Variants in KIF11 observed in about 807,000 individuals in gnomAD.
The protein encoded by KIF11 is kinesin family member 11.
Under a neutral mutation model 121.0 loss-of-function variants are expected in KIF11, and 9 were observed. The ratio of observed to expected loss-of-function variants is 0.07; its 90% confidence interval spans 0.04 to 0.13. The LOEUF (loss-of-function observed/expected upper bound fraction) is 0.13. Among genes scored for constraint, KIF11 ranks in the 10% least tolerant of loss-of-function variants. The pLI is 1.00. For synonymous variants in KIF11, 408 were observed against 421.0 expected, an observed-to-expected ratio of 0.97 and a Z score of 0.38; for missense variants, 846 against 1,217.5, an observed-to-expected ratio of 0.69 and a Z score of 4.54.
Position 92,653,652 on chromosome 10 carries a change from CT to C in KIF11, c.3040-11del. The C allele has an allele frequency of 6.2e-7, 1 of 1,606,724 alleles. No individual in the cohort carries two copies. The highest frequency in any genetic ancestry group is 8.5e-7 in the Non-Finnish European group (1 of 1,176,496). On this transcript the variant is annotated splice_polypyrimidine_tract_variant and intron_variant, in intron 21 of 21. Coordinates refer to ENST00000260731, the MANE Select transcript of KIF11 (RefSeq NM_004523.4). ...CTTTGTATTGACTTAATTTTCCCGC[CT>C]TAAATCCACAGCATAAAAAATCACA...
At chr10:92,617,602 C>T (rs1381484782) in intron 9 of KIF11, among the ~76,000 whole-genome samples, 1 of 152,096 alleles carries the variant, frequency 6.6e-6, no homozygotes. Context: ...GTAGCTGTAC[C>T]ACTTTGTATT....
At chr10:92,622,057 C>T (rs1028137341) in intron 10 of KIF11, among the ~76,000 whole-genome samples, 2 of 152,022 alleles carry the variant, frequency 1.3e-5, no homozygotes, top group African/African-American at 2.4e-5. Flanking sequence ...AGGCAGATCA[C>T]GTGAGGTTGG....
chr10:92,630,425 T>G, intron 12 of KIF11, 61 bp downstream of exon 12: 1 of 1,012,618 alleles, frequency 9.9e-7, no homozygotes, highest in African/African-American at 1.7e-5. Context: ...AAAAATTTTC[T>G]GTGCTTAAGC....
At chr10:92,642,669 G>T (rs774219073) in intron 17 of KIF11, among the ~76,000 whole-genome samples, 24 of 145,654 alleles carry the variant, frequency 1.6e-4, no homozygotes, top group Middle Eastern at 6.9e-3. Flanking sequence ...TATCTCCTTG[G>T]AGAATTGACC....
chr10:92,597,402 T>G lies in KIF11; in HGVS notation c.77+3950T>G, dbSNP rs547686908. The stretch of plus-strand genomic sequence containing the variant: ...CTTCAGCCTCCCAAGTATCTGGGAT[T>G]ACAGGTGTGCACCACCATGCCTGGC... On this transcript the variant is annotated intron_variant, in intron 1 of 21. Transcript: ENST00000260731. The G allele has an allele frequency of 8.6e-4, 134 of 155,452 alleles. 1 individual carries two copies. The Middle Eastern group carries it at 0.016, about 19-fold the overall frequency. The allele number at this position is 155,452 out of a possible 1,614,324, so 9.6% of individuals were successfully genotyped here. A position where few individuals can be genotyped will look rare whatever the true frequency, so the allele number is the denominator to read the frequency against.
rs1188421536 is a variant in KIF11 at position 92,633,605 on chromosome 10, T to C, written c.1703-18T>C. On this transcript the variant is annotated intron_variant, in intron 13 of 21. Transcript: ENST00000260731. The stretch of plus-strand genomic sequence containing the variant: ...ATTTATGTCAAAGTTTACATCTTTC[T>C]GTTTTTGTTTGTTATAGGTAATCTG... 6.4e-7 allele frequency: 1 copy of C among 1,556,012 alleles called. No individual in the cohort carries two copies. The highest frequency in any genetic ancestry group is 8.8e-7 in the Non-Finnish European group (1 of 1,138,706).
At chr10:92,610,787 T>C (rs975968559) in intron 6 of KIF11, among the ~76,000 whole-genome samples, 1 of 152,160 alleles carries the variant, frequency 6.6e-6, no homozygotes, top group Non-Finnish European at 1.5e-5. Context: ...GTTGCAACTC[T>C]AAAAAAGTTT....
intron 1 of KIF11, among the ~76,000 whole-genome samples, chr10:92,605,164 A>C (rs1308517893): frequency 2.0e-5 from 3 of 152,194 alleles, no homozygotes; most frequent in Non-Finnish European, 2.9e-5. Context: ...TAATCATTTC[A>C]ACTAAATACC....
Position 92,608,994 on chromosome 10 carries a change from T to C in KIF11, c.388-26T>C, listed in dbSNP as rs772658897. The stretch of plus-strand genomic sequence containing the variant: ...GCCACAGTAAATGGCATTCTTCCTT[T>C]ATATTAGTCCTTATTATAATTTCAG... On this transcript the variant is annotated intron_variant, in intron 4 of 21. Transcript: ENST00000260731. 7 of 1,327,290 alleles carry C rather than the reference T, an allele frequency of 5.3e-6. No individual in the cohort carries two copies. In the Admixed American group the frequency reaches 1.7e-4, roughly 32 times the overall value. The allele number at this position is 1,327,290 out of a possible 1,614,324, so 82.2% of individuals were successfully genotyped here. A position where few individuals can be genotyped will look rare whatever the true frequency, so the allele number is the denominator to read the frequency against.
chr10:92,651,502 A>ATTTTTT lies in KIF11; in HGVS notation c.3039+989_3039+990insTTTTTT, dbSNP rs1343216900. 2.3e-3 allele frequency among the ~76,000 whole-genome samples: 50 copies of ATTTTTT among 21,558 alleles called. 3 individuals are homozygous for ATTTTTT. Among genetic ancestry groups the ATTTTTT allele is most frequent in the Non-Finnish European group, 3.5e-3 (43 of 12,348 alleles). The allele number at this position is 21,558 out of a possible 152,430, so 14.1% of individuals were successfully genotyped here. ...AGGCATGTGCCACCATGCCTGGCTA[A>ATTTTTT]TTTTGTTTTTTTTTTTTTTTTTTTT... On this transcript the variant is annotated intron_variant, in intron 21 of 21. Coordinates refer to ENST00000260731, the MANE Select transcript of KIF11 (RefSeq NM_004523.4).
intron 6 of KIF11, among the ~76,000 whole-genome samples, chr10:92,610,358 C>T (rs1313249184): frequency 6.6e-6 from 1 of 152,012 alleles, no homozygotes; most frequent in Non-Finnish European, 1.5e-5. Flanking sequence ...TATCTTTTAC[C>T]GAAATATAAA....
At chr10:92,620,107 G>A (rs1231539593) in intron 9 of KIF11, among the ~76,000 whole-genome samples, 3 of 141,628 alleles carry the variant, frequency 2.1e-5, no homozygotes, top group Non-Finnish European at 4.5e-5. Context: ...TTGAGACGGA[G>A]TCTCGCTCTG....
chr10:92,623,887 C>T (rs1564710095), intron 10 of KIF11, among the ~76,000 whole-genome samples: 1 of 150,968 alleles, frequency 6.6e-6, no homozygotes, highest in Non-Finnish European at 1.5e-5. Flanking sequence ...TGTTTGCTCT[C>T]TTTTTTTTTA....
At position 92,593,501 on chromosome 10, in the gene KIF11, GC is replaced by G; in HGVS notation, c.77+54del. 3 of 1,515,688 alleles carry G rather than the reference GC, an allele frequency of 2.0e-6. No homozygotes were observed. In the South Asian group the frequency reaches 3.5e-5, roughly 18 times the overall value. The allele number at this position is 1,515,688 out of a possible 1,614,324, so 93.9% of individuals were successfully genotyped here. ...CCGAGCGCTGCGGCTTCGCTGCTGG[GC>G]CCCCTACTGCGCGGTCCAGGGAGAG... On this transcript the variant is annotated intron_variant, in intron 1 of 21. Coordinates refer to ENST00000260731, the MANE Select transcript of KIF11 (RefSeq NM_004523.4).
intron 1 of KIF11, among the ~76,000 whole-genome samples, chr10:92,602,442 G>C (rs1844382296): frequency 6.6e-6 from 1 of 152,078 alleles, no homozygotes; most frequent in African/African-American, 2.4e-5. Flanking sequence ...TCTCTTTACT[G>C]GTTATAGCTC....
At chr10:92,610,633 A>T (rs1844485880) in intron 6 of KIF11, among the ~76,000 whole-genome samples, 1 of 151,838 alleles carries the variant, frequency 6.6e-6, no homozygotes, top group African/African-American at 2.4e-5. Flanking sequence ...TTTCGCGGTT[A>T]ATTCAGTATG....
chr10:92,643,827 G>C (rs867627863), intron 17 of KIF11, among the ~76,000 whole-genome samples: 1 of 152,078 alleles, frequency 6.6e-6, no homozygotes, highest in African/African-American at 2.4e-5. Context: ...AATTGCATAT[G>C]TGGCTTCTAT....
rs748313770 is a variant in KIF11, at chr10:92,648,335, T to C, written c.2671T>C (p.Leu891=). Residue 891 remains leucine, a synonymous_variant, in exon 19 of 22, where the codon TTG becomes CTG. Coordinates refer to ENST00000260731, the MANE Select transcript of KIF11 (RefSeq NM_004523.4). The part of the protein sequence containing the change: ...LDQMTIDEDK[L]IAQNLELNET... The stretch of plus-strand genomic sequence containing the variant: ...TCAGATGACTATTGATGAAGATAAA[T>C]TGATAGCACAAAATCTAGAACTTAA... The C allele has an allele frequency of 5.0e-6, 8 of 1,612,802 alleles. No individual in the cohort carries two copies. The East Asian group carries it at 8.9e-5, about 18-fold the overall frequency.
chr10:92,629,654 C>A (rs186678042), intron 11 of KIF11, among the ~76,000 whole-genome samples: 136 of 152,130 alleles, frequency 8.9e-4, no homozygotes, highest in African/African-American at 3.0e-3. Context: ...TTGCTTGATG[C>A]CCAGGCTACA....
Sources: allele counts gnomAD v4.1 joint callset (sites outside exome capture counted in the v4.1 genomes callset), GRCh38; gene constraint gnomAD v4.1.1; transcripts MANE v1.5; gene names NCBI Gene and HGNC (gene_info 2026-07-23, HGNC 2026-07-21).